The following LRCH2 variants were observed in gnomAD, a reference collection of about 807,000 sequenced individuals.
The protein encoded by LRCH2 is leucine rich repeats and calponin homology domain containing 2, also known as leucine-rich repeat and calponin homology domain-containing protein 2.
In LRCH2, 38 loss-of-function variants were observed where a neutral mutation model predicts 68.9. That is an observed-to-expected ratio of 0.55 (90% CI 0.43 to 0.72). The LOEUF is 0.72. LRCH2 is among the 30% of genes least tolerant of loss of function. The probability of loss-of-function intolerance (pLI) is 0.00; values close to 1 mark genes in which losing one functional copy is unlikely to be tolerated. For synonymous variants in LRCH2, 191 were observed against 208.1 expected, an observed-to-expected ratio of 0.92 and a Z score of 0.71; for missense variants, 528 against 572.9, an observed-to-expected ratio of 0.92 and a Z score of 0.80.
intron 14 of LRCH2, among the ~76,000 whole-genome samples, chrX:115,133,792 C>T (rs2072265930): frequency 9.0e-6 from 1 of 111,533 alleles, no homozygotes; most frequent in Admixed American, 9.6e-5. Flanking sequence ...TCTCCTATTC[C>T]CTGACACACA....
chrX:115,199,469 CACAA>C (rs1603088611), intron 1 of LRCH2, among the ~76,000 whole-genome samples: 1 of 112,158 alleles, frequency 8.9e-6, no homozygotes, highest in Non-Finnish European at 1.9e-5. Flanking sequence ...AGACAGTCCA[CACAA>C]ACAAAATCCA....
intron 20 of LRCH2, among the ~76,000 whole-genome samples, chrX:115,114,517 C>T (rs1556523547): frequency 9.1e-6 from 1 of 109,587 alleles, no homozygotes. Context: ...AGTAAAAAAA[C>T]AAAAAACAAT....
chrX:115,157,548 G>A (rs1390423935), intron 11 of LRCH2, among the ~76,000 whole-genome samples: 1 of 106,752 alleles, frequency 9.4e-6, no homozygotes, highest in East Asian at 2.9e-4. Context: ...GGATCTAGTA[G>A]GGCCTCACTA....
intron 1 of LRCH2, among the ~76,000 whole-genome samples, chrX:115,211,766 C>G (rs781821610): frequency 6.3e-5 from 7 of 111,159 alleles, no homozygotes; most frequent in Admixed American, 3.8e-4. Context: ...CACACACCCC[C>G]CCAAGATTGC....
intron 1 of LRCH2, among the ~76,000 whole-genome samples, chrX:115,196,116 C>T (rs2072885769): frequency 9.0e-6 from 1 of 111,372 alleles, no homozygotes; most frequent in African/African-American, 3.3e-5. Flanking sequence ...TGGGCTCCAG[C>T]CTCTGGCACT....
chrX:115,114,075 A>G (rs1400960842), intron 20 of LRCH2, among the ~76,000 whole-genome samples: 1 of 111,602 alleles, frequency 9.0e-6, no homozygotes. Context: ...AACTGGACAC[A>G]GCCAAATGGA....
At chrX:115,127,254 T>A (rs1327797208) in intron 15 of LRCH2, among the ~76,000 whole-genome samples, 1 of 112,097 alleles carries the variant, frequency 8.9e-6, no homozygotes, top group Non-Finnish European at 1.9e-5. Context: ...AAAATCTCCA[T>A]CACCCCAAAT....
chrX:115,159,607 C>T (rs1022543961), intron 11 of LRCH2, among the ~76,000 whole-genome samples: 2 of 109,427 alleles, frequency 1.8e-5, no homozygotes, highest in East Asian at 2.9e-4. Flanking sequence ...AACAATTAGT[C>T]GGGCGTGGTG....
rs782587234 is a variant in LRCH2 at position 115,189,904 on chromosome X, C to T, written c.350-1534G>A. On this transcript the variant is annotated intron_variant, in intron 1 of 20. Coordinates refer to ENST00000317135, the MANE Select transcript of LRCH2 (RefSeq NM_020871.4). ...GCCCAGGAAGCGCGGGCCGCCACCG[C>T]GGCACTGGGCCAGCCCACCCCACAA... 2.8e-4 allele frequency: 330 copies of T among 1,159,061 alleles called. No homozygotes were observed. The highest frequency in any genetic ancestry group is 3.9e-4 in the African/African-American group (22 of 56,170).
intron 1 of LRCH2, among the ~76,000 whole-genome samples, chrX:115,216,723 T>C (rs782550112): frequency 8.9e-6 from 1 of 111,935 alleles, no homozygotes; most frequent in African/African-American, 3.3e-5. Flanking sequence ...GAACTAAAAA[T>C]AGAACTACCA....
intron 1 of LRCH2, among the ~76,000 whole-genome samples, chrX:115,194,632 T>C (rs782350323): frequency 1.2e-3 from 134 of 112,094 alleles, no homozygotes; most frequent in Non-Finnish European, 2.1e-3. Context: ...ATTGCAAGAA[T>C]AGGGTTAAGA....
chrX:115,190,420 T>C, intron 1 of LRCH2: 1 of 1,164,241 alleles, frequency 8.6e-7, no homozygotes. Flanking sequence ...TGGAGGAGGA[T>C]GCCGCTACGA....
chrX:115,195,283 C>CA (rs1260190659), intron 1 of LRCH2, among the ~76,000 whole-genome samples: 137 of 88,633 alleles, frequency 1.5e-3, no homozygotes, highest in African/African-American at 3.9e-3. Context: ...GACTCCATCT[C>CA]AAAAAAAAAA....
At chrX:115,228,549 A>G (rs1365146686) in intron 1 of LRCH2, among the ~76,000 whole-genome samples, 1 of 111,238 alleles carries the variant, frequency 9.0e-6, no homozygotes, top group African/African-American at 3.3e-5. Flanking sequence ...CTCCCAGCAA[A>G]TCAATTTTGT....
At chrX:115,175,993 T>C (rs1381694704) in intron 5 of LRCH2, among the ~76,000 whole-genome samples, 2 of 111,965 alleles carry the variant, frequency 1.8e-5, no homozygotes, top group African/African-American at 6.5e-5. Flanking sequence ...CTGTAGGATC[T>C]GATGTTAACT....
Position 115,190,526 on chromosome X carries a change from C to G in LRCH2, c.350-2156G>C, listed in dbSNP as rs782544274. ...CCAGACGCCTACAGCAGGGACCACT[C>G]GCCCAAAGCCTATAGTGGGGGCCGC... On this transcript the variant is annotated intron_variant, in intron 1 of 20. Transcript: ENST00000317135. The G allele has an allele frequency of 4.4e-5, 51 of 1,152,171 alleles. No homozygotes were observed. Among genetic ancestry groups the G allele is most frequent in the Non-Finnish European group, 5.7e-5 (49 of 866,436 alleles). The allele number at this position is 1,152,171 out of a possible 1,213,427, so 95.0% of individuals were successfully genotyped here. A position where few individuals can be genotyped will look rare whatever the true frequency, so the allele number is the denominator to read the frequency against.
chrX:115,123,146 T>A lies in LRCH2; in HGVS notation c.1896A>T (p.Gly632=), dbSNP rs1462854718. ...GTTCCATCTTTCTTCTCATTGTAAA[T>A]CCTGGATCTGCTGCCCCATATTCTT... ...SRQEYGAADP[G]FTMRRKMEHL... The change falls in exon 18 of 21, where the codon GGA becomes GGT. Residue 632 remains glycine (G), a synonymous_variant. Coordinates refer to ENST00000317135, the MANE Select transcript of LRCH2 (RefSeq NM_020871.4). The A allele has an allele frequency of 4.1e-6, 5 of 1,210,582 alleles. No homozygotes were observed. Among genetic ancestry groups the A allele is most frequent in the African/African-American group, 1.7e-5 (1 of 57,779 alleles).
intron 14 of LRCH2, 109 bp from the exon 15 acceptor site, chrX:115,130,308 C>T (rs1178217647): frequency 1.8e-5 from 7 of 394,335 alleles, no homozygotes; most frequent in Non-Finnish European, 3.0e-5. Context: ...ATTACATTAC[C>T]TGATAACAAA....
chrX:115,187,372 T>C (rs1324542960), intron 2 of LRCH2, among the ~76,000 whole-genome samples: 1 of 112,404 alleles, frequency 8.9e-6, no homozygotes, highest in Non-Finnish European at 1.9e-5. Flanking sequence ...TAAGTCACAA[T>C]ATATCAATTT....
Sources: gnomAD v4.1 joint callset for allele counts (sites outside exome capture counted in the v4.1 genomes callset) on GRCh38, gnomAD v4.1.1 for gene constraint, MANE v1.5 for transcripts, NCBI Gene and HGNC (gene_info 2026-07-23, HGNC 2026-07-21) for gene names.